Variants in SUPT3H observed in about 807,000 individuals in gnomAD.
The protein encoded by SUPT3H is transcription initiation protein SPT3 homolog.
Under a neutral mutation model 44.3 loss-of-function variants are expected in SUPT3H, and 44 were observed. The ratio of observed to expected loss-of-function variants is 0.99; its 90% CI spans 0.78 to 1.28. The LOEUF (loss-of-function observed/expected upper bound fraction) is 1.28, where lower values mean the gene tolerates loss of function less well. SUPT3H is among the 50% of genes most tolerant of loss of function. The pLI is 0.00. For missense variants in SUPT3H, 380 were observed against 387.1 expected (o/e 0.98, Z 0.15); for synonymous variants, 124 against 125.6 (o/e 0.99, Z 0.09).
chr6:45,125,109 C>A (rs1364353434), intron 2 of SUPT3H, among the ~76,000 whole-genome samples: 1 of 152,216 alleles, frequency 6.6e-6, no homozygotes, highest in East Asian at 1.9e-4. Context: ...GGATGTCTAA[C>A]AACCTCAACT....
intron 3 of SUPT3H, among the ~76,000 whole-genome samples, chr6:45,040,585 T>TCAAAAA: frequency 6.6e-6 from 1 of 152,308 alleles, no homozygotes. Flanking sequence ...GAGTGGCTTT[T>TCAAAAA]CAAAAACAAA....
At chr6:45,174,448 A>C (rs1811345721) in intron 2 of SUPT3H, among the ~76,000 whole-genome samples, 1 of 152,210 alleles carries the variant, frequency 6.6e-6, no homozygotes, top group Non-Finnish European at 1.5e-5. Flanking sequence ...CTTTCTTTCA[A>C]ATCTATAATC....
intron 3 of SUPT3H, among the ~76,000 whole-genome samples, chr6:45,048,046 T>A (rs2153534185): frequency 6.6e-6 from 1 of 152,194 alleles, no homozygotes; most frequent in Middle Eastern, 3.4e-3. Flanking sequence ...GACTCTGGAA[T>A]AGACAAAGAG....
chr6:45,103,065 C>T (rs983868642), intron 3 of SUPT3H, among the ~76,000 whole-genome samples: 4 of 152,032 alleles, frequency 2.6e-5, no homozygotes, highest in Admixed American at 1.3e-4. Flanking sequence ...TATAATTTGT[C>T]ATGACTACAT....
chr6:45,142,820 G>GACTC (rs546517465), intron 2 of SUPT3H, among the ~76,000 whole-genome samples: 24 of 139,728 alleles, frequency 1.7e-4, no homozygotes, highest in African/African-American at 6.2e-4. Flanking sequence ...GTCTTCAAGA[G>GACTC]ACTCACTAAC....
intron 2 of SUPT3H, among the ~76,000 whole-genome samples, chr6:45,291,035 A>G (rs1414724348): frequency 6.6e-6 from 1 of 152,164 alleles, no homozygotes; most frequent in Non-Finnish European, 1.5e-5. Flanking sequence ...CCCTGAAGGA[A>G]GCAGATTCCT....
chr6:45,284,503 A>C (rs933496796), intron 2 of SUPT3H, among the ~76,000 whole-genome samples: 1 of 152,244 alleles, frequency 6.6e-6, no homozygotes, highest in South Asian at 2.1e-4. Flanking sequence ...GAAGAAATGG[A>C]TAAATTCCTT....
chr6:45,029,915 C>T (rs990812314), intron 3 of SUPT3H, among the ~76,000 whole-genome samples: 1 of 152,120 alleles, frequency 6.6e-6, no homozygotes, highest in Non-Finnish European at 1.5e-5. Flanking sequence ...CAGGCACATG[C>T]CATCATGCCT....
At chr6:45,292,850 A>G (rs998326829) in intron 2 of SUPT3H, among the ~76,000 whole-genome samples, 1 of 151,140 alleles carries the variant, frequency 6.6e-6, no homozygotes, top group Non-Finnish European at 1.5e-5. Flanking sequence ...TTACTAACAG[A>G]CCTAAGAAAT....
intron 3 of SUPT3H, among the ~76,000 whole-genome samples, chr6:45,043,142 TACACACAC>T (rs59321114): frequency 1.4e-5 from 2 of 146,768 alleles, no homozygotes; most frequent in Admixed American, 6.8e-5. Context: ...CATACACACA[TACACACAC>T]ACACACACAC....
chr6:45,029,572 A>C (rs1165810585), intron 3 of SUPT3H, among the ~76,000 whole-genome samples: 1 of 152,098 alleles, frequency 6.6e-6, no homozygotes, highest in Admixed American at 6.6e-5. Context: ...AGAAGCAATA[A>C]TCATTTGAAC....
chr6:45,167,127 A>T (rs1012165854), intron 2 of SUPT3H, among the ~76,000 whole-genome samples: 1 of 152,240 alleles, frequency 6.6e-6, no homozygotes, highest in Non-Finnish European at 1.5e-5. Context: ...ATCTTGTAAT[A>T]TAAGAGTGCT....
At chr6:44,896,937 T>C (rs1295124109) in intron 10 of SUPT3H, among the ~76,000 whole-genome samples, 3 of 152,214 alleles carry the variant, frequency 2.0e-5, no homozygotes, top group African/African-American at 7.2e-5. Context: ...TTTAGGGCAC[T>C]GTGCCAAAGC....
chr6:45,268,472 T>C (rs982645875), intron 2 of SUPT3H, among the ~76,000 whole-genome samples: 1 of 152,156 alleles, frequency 6.6e-6, no homozygotes, highest in East Asian at 1.9e-4. Context: ...TAATGAACGA[T>C]TCGGATAAAT....
chr6:44,839,225 T>G (rs1230003327), intron 10 of SUPT3H, among the ~76,000 whole-genome samples: 1 of 152,190 alleles, frequency 6.6e-6, no homozygotes. Context: ...TATCACACTA[T>G]TGTCCAAGTC....
intron 2 of SUPT3H, among the ~76,000 whole-genome samples, chr6:45,350,904 C>T (rs1189467446): frequency 6.6e-6 from 1 of 152,132 alleles, no homozygotes; most frequent in African/African-American, 2.4e-5. Context: ...CCAGGCTGCA[C>T]AGCAAGAGCG....
At chr6:45,196,399 T>G (rs571377040) in intron 2 of SUPT3H, among the ~76,000 whole-genome samples, 1 of 152,112 alleles carries the variant, frequency 6.6e-6, no homozygotes, top group East Asian at 1.9e-4. Context: ...AAAATGCAGT[T>G]CATGTTGAAA....
In SUPT3H at chr6:45,296,053, C is replaced by A. The variant is rs184279955; in HGVS notation, c.101+69148G>T. ...TTTATAGCAGCACAATTCGCAACTG[C>A]AAAAACATGGAATCAACCCAGATGC... is the stretch of plus-strand genomic sequence containing the variant. On this transcript the variant is annotated intron_variant, in intron 2 of 10. Transcript: ENST00000371459. Among the ~76,000 whole-genome samples, 292 of 152,030 alleles carry A rather than the reference C, an allele frequency of 1.9e-3. 2 individuals carry two copies. The highest frequency in any genetic ancestry group is 6.7e-3 in the African/African-American group (277 of 41,470).
chr6:45,244,894 A>G (rs6921114), intron 2 of SUPT3H, among the ~76,000 whole-genome samples: 329 of 152,306 alleles, frequency 2.2e-3, no homozygotes, highest in African/African-American at 7.4e-3. Flanking sequence ...TTATAAATCT[A>G]TACTAAATAA....
Sources: allele counts gnomAD v4.1 joint callset (sites outside exome capture counted in the v4.1 genomes callset), GRCh38; gene constraint gnomAD v4.1.1; transcripts MANE v1.5; gene names NCBI Gene and HGNC (gene_info 2026-07-23, HGNC 2026-07-21).